ATP6V0A1: variants seen among roughly 807,000 people sequenced by gnomAD.
The protein encoded by ATP6V0A1 is ATPase H+ transporting V0 subunit a1, also known as V-type proton ATPase 116 kDa subunit a 1.
In ATP6V0A1, 43 loss-of-function variants were observed where a neutral mutation model predicts 105.4. The ratio of observed to expected loss-of-function variants is 0.41; its 90% confidence interval spans 0.32 to 0.53. ATP6V0A1 has a LOEUF of 0.53. ATP6V0A1 is among the 20% of genes least tolerant of loss of function. ATP6V0A1 has a pLI of 0.30. For missense variants in ATP6V0A1, 676 were observed against 1,051.1 expected, an observed-to-expected ratio of 0.64 and a Z score of 4.93; for synonymous variants, 362 against 372.8, an observed-to-expected ratio of 0.97 and a Z score of 0.33.
intron 17 of ATP6V0A1, among the ~76,000 whole-genome samples, chr17:42,503,140 C>T (rs1049598962): frequency 6.6e-6 from 1 of 152,118 alleles, no homozygotes; most frequent in African/African-American, 2.4e-5. Flanking sequence ...CTCACTGAGT[C>T]CCATCATCTT....
chr17:42,474,973 C>T (rs897857650), intron 5 of ATP6V0A1, among the ~76,000 whole-genome samples: 2 of 152,184 alleles, frequency 1.3e-5, no homozygotes, highest in African/African-American at 2.4e-5. Flanking sequence ...AGTCTTCTTG[C>T]TTATGAAGAA....
At chr17:42,513,580 CTTA>C (rs1047553169) in intron 19 of ATP6V0A1, 6 of 354,148 alleles carry the variant, frequency 1.7e-5, no homozygotes, top group African/African-American at 1.0e-4. Flanking sequence ...TGAAAAGAAT[CTTA>C]TTAAGATGTA....
At chr17:42,475,701 G>A (rs1470711309) in intron 5 of ATP6V0A1, among the ~76,000 whole-genome samples, 1 of 151,994 alleles carries the variant, frequency 6.6e-6, no homozygotes, top group Admixed American at 6.6e-5. Flanking sequence ...GTTAGTGAGT[G>A]GTTCTAGTCA....
intron 2 of ATP6V0A1, among the ~76,000 whole-genome samples, chr17:42,462,355 C>G (rs2086522045): frequency 6.6e-6 from 1 of 152,138 alleles, no homozygotes; most frequent in African/African-American, 2.4e-5. Context: ...TCTTCCACCC[C>G]AGAGGTAACC....
At chr17:42,491,084 A>AT (rs900133659) in intron 11 of ATP6V0A1, among the ~76,000 whole-genome samples, 10 of 150,992 alleles carry the variant, frequency 6.6e-5, no homozygotes, top group African/African-American at 1.5e-4. Context: ...ATAATTTTTA[A>AT]TTTTTTTTAG....
intron 2 of ATP6V0A1, among the ~76,000 whole-genome samples, chr17:42,462,073 G>A (rs1320865170): frequency 6.6e-6 from 1 of 151,024 alleles, no homozygotes; most frequent in Non-Finnish European, 1.5e-5. Context: ...AAAAATGCCG[G>A]ATGTGGTGGC....
rs559446814 is a variant in ATP6V0A1, at chr17:42,471,948, C to T, written c.423+1730C>T. Among the ~76,000 whole-genome samples, 4 of 152,110 alleles carry T rather than the reference C, an allele frequency of 2.6e-5. No individual in the cohort carries two copies. In the South Asian group the frequency reaches 8.3e-4, roughly 32 times the overall value. On this transcript the variant is annotated intron_variant, in intron 5 of 21. Coordinates refer to ENST00000343619, the MANE Select transcript of ATP6V0A1 (RefSeq NM_001130021.3). The stretch of plus-strand genomic sequence containing the variant: ...GCCACCAGATTGACAATATTAGACA[C>T]TTTAGGGATTGTTACAGTCACTGTT...
At chr17:42,520,530 T>G (rs1398689952) in intron 21 of ATP6V0A1, 1 of 456,772 alleles carries the variant, frequency 2.2e-6, no homozygotes, top group South Asian at 1.5e-5. Flanking sequence ...TCCCCCTCTT[T>G]CCTTGGAATT....
intron 9 of ATP6V0A1, among the ~76,000 whole-genome samples, chr17:42,486,257 A>G (rs1283963735): frequency 3.3e-5 from 5 of 152,064 alleles, no homozygotes; most frequent in Non-Finnish European, 7.4e-5. Context: ...CTAAAAATAT[A>G]AAAATTAGCC....
At chr17:42,518,849 A>T (rs1388635649) in intron 21 of ATP6V0A1, 1 of 152,340 alleles carries the variant, frequency 6.6e-6, no homozygotes, top group Non-Finnish European at 1.5e-5. Context: ...GGAAGAACCT[A>T]GGATGGCAGA....
chr17:42,501,737 C>T (rs2091688089), intron 17 of ATP6V0A1, among the ~76,000 whole-genome samples: 2 of 151,694 alleles, frequency 1.3e-5, no homozygotes, highest in South Asian at 4.2e-4. Flanking sequence ...TATTAAAACG[C>T]ATTTGTGGCC....
chr17:42,503,005 A>G (rs1443894157), intron 17 of ATP6V0A1: 1 of 152,330 alleles, frequency 6.6e-6, no homozygotes, highest in Non-Finnish European at 1.5e-5. Flanking sequence ...ACTCACTGAG[A>G]TGATGACAGA....
chr17:42,491,950 G>A (rs2090681142), intron 11 of ATP6V0A1, among the ~76,000 whole-genome samples: 1 of 152,220 alleles, frequency 6.6e-6, no homozygotes, highest in African/African-American at 2.4e-5. Context: ...TTTAGAGGCC[G>A]AGGTAGGAGG....
At chr17:42,514,093 T>A (rs533535977) in intron 20 of ATP6V0A1, 115 bp downstream of exon 20, 1 of 1,351,682 alleles carries the variant, frequency 7.4e-7, no homozygotes, top group East Asian at 2.3e-5. Flanking sequence ...TTATTCAGGT[T>A]CCTGAACCCA....
At position 42,483,126 on chromosome 17, in the gene ATP6V0A1, C is replaced by T; in HGVS notation, c.805C>T (p.Gln269Ter). 1 of 1,526,698 alleles carries T rather than the reference C, an allele frequency of 6.6e-7. No individual in the cohort carries two copies. Among genetic ancestry groups the T allele is most frequent in the Non-Finnish European group, 8.8e-7 (1 of 1,131,920 alleles). 94.6% of individuals were successfully genotyped at this position (1,526,698 alleles called of 1,614,324 possible). A position where few individuals can be genotyped will look rare whatever the true frequency, so the allele number is the denominator to read the frequency against. The change falls in exon 9 of 22, where the codon CAA becomes TAA. Residue 269 changes from glutamine to a stop codon, truncating the protein, a stop_gained. Transcript: ENST00000343619. LOFTEE classifies it high-confidence loss of function. ...AGTGAATACCAGGATTGATGATCTC[C>T]AAATGGTATGCAGAAGGCTGGAGGG... ...SGVNTRIDDL[Q>*]MVLNQTEDHR...
At chr17:42,503,905 T>C (rs1275553923) in intron 17 of ATP6V0A1, among the ~76,000 whole-genome samples, 1 of 152,230 alleles carries the variant, frequency 6.6e-6, no homozygotes, top group Non-Finnish European at 1.5e-5. Flanking sequence ...TGTGAGACAT[T>C]TAACAAACCT....
At chr17:42,466,699 A>C (rs749509986) in intron 3 of ATP6V0A1, among the ~76,000 whole-genome samples, 192 bp downstream of exon 3, 3 of 152,206 alleles carry the variant, frequency 2.0e-5, no homozygotes, top group Non-Finnish European at 4.4e-5. Flanking sequence ...TGCTTAATGG[A>C]AACCTCGTTT....
intron 18 of ATP6V0A1, 136 bp from the exon 19 acceptor site, chr17:42,508,436 G>A: frequency 9.4e-7 from 1 of 1,061,938 alleles, no homozygotes; most frequent in Non-Finnish European, 1.4e-6. Flanking sequence ...TATATGCTGA[G>A]GAGGCCTGCC....
At position 42,521,282 on chromosome 17, in the gene ATP6V0A1, C is replaced by T; in HGVS notation, c.*162C>T. ...AGAATAGTCCTCCTTGGGTCTCCCA[C>T]CACCCCTAGCTTTGTGTGTAGTGTA... On this transcript the variant is annotated 3_prime_UTR_variant, in exon 22 of 22. Coordinates refer to ENST00000343619, the MANE Select transcript of ATP6V0A1 (RefSeq NM_001130021.3). The surrounding 1 kb of genome is among the most constrained non-coding windows in gnomAD (Gnocchi z 4.8). The T allele has an allele frequency of 3.8e-6, 2 of 523,728 alleles. No individual in the cohort carries two copies. Among genetic ancestry groups the T allele is most frequent in the Non-Finnish European group, 3.3e-6 (1 of 307,634 alleles). The allele number at this position is 523,728 out of a possible 1,614,324, so 32.4% of individuals were successfully genotyped here.
Sources: allele counts gnomAD v4.1 joint callset (sites outside exome capture counted in the v4.1 genomes callset), GRCh38; gene constraint gnomAD v4.1.1; non-coding constraint Gnocchi (gnomAD v3.1); transcripts MANE v1.5; gene names NCBI Gene and HGNC (gene_info 2026-07-23, HGNC 2026-07-21).